Variants in GASK1A observed in about 807,000 individuals in gnomAD.
GASK1A encodes the protein Golgi-associated kinase 1A.
GASK1A carries 40 observed loss-of-function variants against 41.2 expected under a neutral mutation model. The ratio of observed to expected loss-of-function variants is 0.97; its 90% CI spans 0.75 to 1.27. The LOEUF is 1.27. Ranked by LOEUF, GASK1A falls within the 50% of genes most tolerant of loss-of-function variation. GASK1A has a pLI of 0.00. For synonymous variants in GASK1A, 316 were observed against 307.1 expected (o/e 1.03, Z -0.30); for missense variants, 678 against 745.1 (o/e 0.91, Z 1.05).
intron 1 of GASK1A, among the ~76,000 whole-genome samples, chr3:43,018,373 T>C (rs2125682282): frequency 6.6e-6 from 1 of 152,324 alleles, no homozygotes; most frequent in South Asian, 2.1e-4. Context: ...GGATCTGCTA[T>C]AGTCACCTCA....
intron 1 of GASK1A, among the ~76,000 whole-genome samples, chr3:42,987,390 G>A: frequency 6.6e-6 from 1 of 152,154 alleles, no homozygotes; most frequent in Non-Finnish European, 1.5e-5. Context: ...AGCTGGTACT[G>A]ATAAAGCCTG....
intron 1 of GASK1A, among the ~76,000 whole-genome samples, chr3:43,004,531 C>G (rs1362878865): frequency 6.6e-6 from 1 of 152,220 alleles, no homozygotes; most frequent in Non-Finnish European, 1.5e-5. Context: ...ACCACAGCTT[C>G]TTTGGAGTTC....
At chr3:42,980,807 G>A (rs2089279101) in intron 1 of GASK1A, among the ~76,000 whole-genome samples, 1 of 152,158 alleles carries the variant, frequency 6.6e-6, no homozygotes, top group Non-Finnish European at 1.5e-5. Context: ...GAAGGAAATA[G>A]TGGAATCTTA....
intron 1 of GASK1A, among the ~76,000 whole-genome samples, chr3:42,990,657 T>C (rs1427950517): frequency 6.6e-6 from 1 of 152,184 alleles, no homozygotes; most frequent in Admixed American, 6.5e-5. Flanking sequence ...TGACAGTCAT[T>C]GACTGCATCC....
chr3:43,005,855 TG>T (rs1363784337), intron 1 of GASK1A, among the ~76,000 whole-genome samples: 3 of 152,216 alleles, frequency 2.0e-5, no homozygotes, highest in African/African-American at 7.2e-5. Flanking sequence ...TTCATTAAGA[TG>T]GAAAAGGCAT....
chr3:43,010,211 ATAGCAACTCAG>A (rs2089456632), intron 1 of GASK1A, among the ~76,000 whole-genome samples: 1 of 152,176 alleles, frequency 6.6e-6, no homozygotes, highest in African/African-American at 2.4e-5. Flanking sequence ...GCCGTTATAT[ATAGCAACTCAG>A]TACCTACAAT....
intron 1 of GASK1A, among the ~76,000 whole-genome samples, chr3:42,982,137 C>T (rs1347780364): frequency 2.6e-5 from 4 of 152,150 alleles, no homozygotes; most frequent in Non-Finnish European, 1.5e-5. Context: ...GGGTCATTGC[C>T]ATGGCTTGGT....
chr3:43,053,752 C>A, intron 3 of GASK1A, 109 bp downstream of exon 3: 1 of 1,282,386 alleles, frequency 7.8e-7, no homozygotes. Context: ...TGGGGTTTCC[C>A]AGTCTTGTTC....
At position 43,037,158 on chromosome 3, in the gene GASK1A, G is replaced by T; in HGVS notation, c.1290+3605G>T. ...GATTCAGGGCAGACCTCCTTATGCT[G>T]CTTCAGTGGAAGAAGTGGCCAAAGA... is the stretch of plus-strand genomic sequence containing the variant. On this transcript the variant is annotated intron_variant, in intron 2 of 4. Transcript: ENST00000430121. 2.8e-6 allele frequency: 3 copies of T among 1,067,732 alleles called. No individual in the cohort carries two copies. In the South Asian group the frequency reaches 4.1e-5, roughly 15 times the overall value. The allele number at this position is 1,067,732 out of a possible 1,614,324, so 66.1% of individuals were successfully genotyped here. A position where few individuals can be genotyped will look rare whatever the true frequency, so the allele number is the denominator to read the frequency against.
At chr3:43,025,888 A>T (rs1235269043) in intron 1 of GASK1A, among the ~76,000 whole-genome samples, 1 of 152,248 alleles carries the variant, frequency 6.6e-6, no homozygotes, top group Non-Finnish European at 1.5e-5. Flanking sequence ...AACAAAGAAG[A>T]TGGAAGACAA....
Position 43,038,360 on chromosome 3 carries a change from T to C in GASK1A, c.1290+4807T>C, listed in dbSNP as rs567427517. Among the ~76,000 whole-genome samples the C allele has an allele frequency of 1.2e-4, 19 of 152,358 alleles. No homozygotes were observed. The East Asian group carries it at 2.3e-3, about 19-fold the overall frequency. The stretch of plus-strand genomic sequence containing the variant: ...AAACAAAAATACTAATAATCAGTAA[T>C]AGTCCTAGAAAAGATGTTAATTCTG... On this transcript the variant is annotated intron_variant, in intron 2 of 4. Transcript: ENST00000430121.
intron 1 of GASK1A, among the ~76,000 whole-genome samples, chr3:42,985,049 A>C (rs545048123): frequency 6.6e-6 from 1 of 152,314 alleles, no homozygotes; most frequent in Admixed American, 6.5e-5. Context: ...ATAGTTAGAT[A>C]AGCTTTTCAT....
At position 43,032,434 on chromosome 3, in the gene GASK1A, A is replaced by G; in HGVS notation, c.171A>G (p.Ala57=). ...CTCAGGGGGTAACTGGCGCCCCTGCAACCCATATCCGGCAGGCTTTGAGCT... is the reference window on the plus strand; with the variant it reads ...CTCAGGGGGTAACTGGCGCCCCTGCGACCCATATCCGGCAGGCTTTGAGCT... ...MEPQGVTGAP[A]THIRQALSSS... The change falls in exon 2 of 5, where the codon GCA becomes GCG. Residue 57 remains alanine (A), a synonymous_variant. Transcript: ENST00000430121. 1 of 1,551,138 alleles carries G rather than the reference A, an allele frequency of 6.4e-7. No homozygotes were observed. The highest frequency in any genetic ancestry group is 2.4e-5 in the East Asian group (1 of 40,870).
intron 1 of GASK1A, among the ~76,000 whole-genome samples, chr3:43,011,407 G>A (rs2089463093): frequency 6.6e-6 from 1 of 151,198 alleles, no homozygotes; most frequent in Non-Finnish European, 1.5e-5. Context: ...AAAATGGTTA[G>A]GAGATCACAA....
intron 1 of GASK1A, among the ~76,000 whole-genome samples, chr3:43,006,268 C>G (rs534196712): frequency 6.6e-6 from 1 of 152,180 alleles, no homozygotes; most frequent in Non-Finnish European, 1.5e-5. Context: ...CCACGAGTCT[C>G]TTTGCCTCTC....
intron 2 of GASK1A, chr3:43,037,184 A>G: frequency 8.8e-7 from 1 of 1,130,966 alleles, no homozygotes; most frequent in Non-Finnish European, 1.3e-6. Context: ...TGGCCAAAGA[A>G]CCTAAGTCAA....
At chr3:43,004,154 CT>C (rs1203698110) in intron 1 of GASK1A, among the ~76,000 whole-genome samples, 1 of 152,106 alleles carries the variant, frequency 6.6e-6, no homozygotes, top group East Asian at 1.9e-4. Context: ...TGAGGAAGGC[CT>C]TTTTTCTTAG....
intron 2 of GASK1A, among the ~76,000 whole-genome samples, chr3:43,042,964 C>T (rs752781253): frequency 8.5e-5 from 13 of 152,138 alleles, no homozygotes; most frequent in African/African-American, 1.9e-4. Flanking sequence ...GAGTCAGTGC[C>T]GAGTAACTCC....
At chr3:42,989,412 T>C (rs141795743) in intron 1 of GASK1A, among the ~76,000 whole-genome samples, 1 of 152,304 alleles carries the variant, frequency 6.6e-6, no homozygotes, top group East Asian at 1.9e-4. Context: ...TTGGTGAATG[T>C]AGAGTTGAGG....
Sources: gnomAD v4.1 joint callset for allele counts (sites outside exome capture counted in the v4.1 genomes callset) on GRCh38, gnomAD v4.1.1 for gene constraint, MANE v1.5 for transcripts, NCBI Gene and HGNC (gene_info 2026-07-23, HGNC 2026-07-21) for gene names.